UNC80: variants seen among roughly 807,000 people sequenced by gnomAD.
UNC80 encodes the protein protein unc-80 homolog.
In UNC80, 164 loss-of-function variants were observed where a neutral mutation model predicts 384.6. That is an observed-to-expected ratio of 0.43 (90% CI 0.38 to 0.49). UNC80 has a LOEUF of 0.49. Among genes scored for constraint, UNC80 ranks in the 20% least tolerant of loss-of-function variants. UNC80 has a pLI of 0.00. For missense variants in UNC80, 3,330 were observed against 4,143.0 expected (o/e 0.80, Z 5.39); for synonymous variants, 1,486 against 1,527.8 (o/e 0.97, Z 0.64).
In UNC80 at chr2:209,965,934, C is replaced by CA. The variant is rs112429893; in HGVS notation, c.7806-1486dup. ...GAGCTTTTCCAGTACAAACTTGTCT[C>CA]AAAAAAAAAAAAAAAAATCTTATTT... On this transcript the variant is annotated intron_variant, in intron 51 of 64. Transcript: ENST00000673920. 9.1e-3 allele frequency among the ~76,000 whole-genome samples: 1,139 copies of CA among 125,758 alleles called. 4 individuals are homozygous for CA. The highest frequency in any genetic ancestry group is 0.015 in the Admixed American group (180 of 12,152). The allele number at this position is 125,758 out of a possible 152,430, so 82.5% of individuals were successfully genotyped here.
chr2:209,964,145 A>T (rs1488220888), intron 51 of UNC80, among the ~76,000 whole-genome samples: 1 of 152,224 alleles, frequency 6.6e-6, no homozygotes, highest in African/African-American at 2.4e-5. Flanking sequence ...CTCTTGGAGT[A>T]ATCACAATTT....
chr2:209,957,101 A>G (rs893844233), intron 48 of UNC80, among the ~76,000 whole-genome samples: 2 of 152,216 alleles, frequency 1.3e-5, no homozygotes, highest in Non-Finnish European at 2.9e-5. Context: ...TCTATTACTA[A>G]CGATCTAAAT....
intron 7 of UNC80, among the ~76,000 whole-genome samples, chr2:209,807,897 A>T (rs2079008678): frequency 6.6e-6 from 1 of 152,244 alleles, no homozygotes; most frequent in African/African-American, 2.4e-5. Context: ...AAAGGGAGGT[A>T]CTTAAATATT....
chr2:209,992,679 C>T lies in UNC80; in HGVS notation c.9396+432C>T, dbSNP rs2093414770. 2.6e-5 allele frequency among the ~76,000 whole-genome samples: 4 copies of T among 152,108 alleles called. No homozygotes were observed. The South Asian group carries it at 6.2e-4, about 24-fold the overall frequency. On this transcript the variant is annotated intron_variant, in intron 62 of 64. Transcript: ENST00000673920. ...TTCCTTACCCAGAAACTTTCTTTAC[C>T]AGCCAAACTTATTGATAGAGGAAGA...
At position 209,976,335 on chromosome 2, in the gene UNC80, C is replaced by G; in HGVS notation, c.8772+32C>G. The G allele has an allele frequency of 5.8e-6, 9 of 1,551,464 alleles. No individual in the cohort carries two copies. The highest frequency in any genetic ancestry group is 7.8e-6 in the Non-Finnish European group (9 of 1,146,864). On this transcript the variant is annotated intron_variant, in intron 57 of 64. Transcript: ENST00000673920. The surrounding 1 kb of genome is among the most constrained non-coding windows in gnomAD (Gnocchi z 4.3). ...TGTGTGCTTCTCCTCCTGAAAGTGG[C>G]AAGCTCAAATGAATGTGTGGCTCTC...
chr2:209,994,325 T>C lies in UNC80; in HGVS notation c.9708+61T>C, dbSNP rs531646913. 2.1e-5 allele frequency: 30 copies of C among 1,416,150 alleles called. No homozygotes were observed. The African/African-American group carries it at 3.6e-4, about 17-fold the overall frequency. The allele number at this position is 1,416,150 out of a possible 1,614,324, so 87.7% of individuals were successfully genotyped here. Reference sequence around the variant, plus strand: ...CTGTGTACTTACTTCTAGCAGCCACTTGGATATGCACATTTATTCCATATA... The same window carrying C: ...CTGTGTACTTACTTCTAGCAGCCACCTGGATATGCACATTTATTCCATATA... On this transcript the variant is annotated intron_variant, in intron 64 of 64. Coordinates refer to ENST00000673920, the MANE Select transcript of UNC80 (RefSeq NM_001371986.1).
At chr2:209,792,386 T>C (rs965415594) in intron 6 of UNC80, among the ~76,000 whole-genome samples, 1 of 152,242 alleles carries the variant, frequency 6.6e-6, no homozygotes, top group African/African-American at 2.4e-5. Flanking sequence ...CTCACTCTGT[T>C]GCCCAGGCTG....
At chr2:209,854,847 G>T (rs2082784478) in intron 22 of UNC80, among the ~76,000 whole-genome samples, 1 of 152,158 alleles carries the variant, frequency 6.6e-6, no homozygotes, top group African/African-American at 2.4e-5. Context: ...CGTTGTTGGT[G>T]GGAATGCAAA....
intron 4 of UNC80, among the ~76,000 whole-genome samples, chr2:209,779,723 C>T (rs2077052996): frequency 6.6e-6 from 1 of 152,166 alleles, no homozygotes; most frequent in East Asian, 1.9e-4. Flanking sequence ...GTGCTAAAAA[C>T]AGCATTTTTA....
At chr2:209,989,762 G>A (rs1359138008) in intron 61 of UNC80, among the ~76,000 whole-genome samples, 2 of 152,176 alleles carry the variant, frequency 1.3e-5, no homozygotes, top group Non-Finnish European at 2.9e-5. Context: ...ATGATGTGGA[G>A]AGAAGCTAAA....
intron 61 of UNC80, among the ~76,000 whole-genome samples, chr2:209,988,966 T>G (rs2093342604): frequency 6.6e-6 from 1 of 152,136 alleles, no homozygotes; most frequent in African/African-American, 2.4e-5. Context: ...TCCACCTTAT[T>G]ACTTGGCCAA....
At chr2:209,903,526 ATATATAT>A (rs1422243028) in intron 28 of UNC80, among the ~76,000 whole-genome samples, 13 of 242 alleles carry the variant, frequency 0.054, no homozygotes, top group African/African-American at 0.1. Context: ...TATATATACT[ATATATAT>A]TATATATAGT....
chr2:209,924,437 C>A (rs906602861), intron 35 of UNC80, among the ~76,000 whole-genome samples: 20 of 152,276 alleles, frequency 1.3e-4, no homozygotes, highest in African/African-American at 4.8e-4. Flanking sequence ...AATAAGTCTT[C>A]CAGCCTTTAC....
chr2:209,841,553 T>C (rs979670660), intron 20 of UNC80, among the ~76,000 whole-genome samples: 3 of 152,130 alleles, frequency 2.0e-5, no homozygotes, highest in African/African-American at 7.2e-5. Flanking sequence ...GGTTTCACCA[T>C]GTTGGCCAGG....
chr2:209,797,046 A>T (rs2078208130), intron 7 of UNC80, among the ~76,000 whole-genome samples: 1 of 152,058 alleles, frequency 6.6e-6, no homozygotes, highest in Middle Eastern at 3.2e-3. Context: ...ATTTCTAGAC[A>T]TTTCATATAA....
intron 60 of UNC80, among the ~76,000 whole-genome samples, chr2:209,983,584 T>TG (rs56780966): frequency 1 from 152,117 of 152,318 alleles, 75,958 homozygotes; most frequent in Middle Eastern, 1. Context: ...TAGCTATCAG[T>TG]TATTTTTAAT....
At chr2:209,918,466 A>G in intron 32 of UNC80, 66 bp from the exon 33 acceptor site, 1 of 1,491,630 alleles carries the variant, frequency 6.7e-7, no homozygotes, top group East Asian at 2.5e-5. Context: ...TTGTGTCATC[A>G]TTATACTTCA....
At chr2:209,879,307 C>T (rs2085067000) in intron 24 of UNC80, among the ~76,000 whole-genome samples, 1 of 152,126 alleles carries the variant, frequency 6.6e-6, no homozygotes. Context: ...TCCAGGGGCC[C>T]TTCAGAACAG....
rs1027759698 is a variant in UNC80, at chr2:209,984,964, G to T, written c.9314+52G>T. The stretch of plus-strand genomic sequence containing the variant: ...TGGTGTCTGTGCTGGGAAACTAGCT[G>T]TTCCCTGTCTCCTCTGTCTCTCTGT... On this transcript the variant is annotated intron_variant, in intron 61 of 64. Transcript: ENST00000673920. 2.1e-6 allele frequency: 3 copies of T among 1,442,710 alleles called. No homozygotes were observed. The African/African-American group carries it at 4.3e-5, about 21-fold the overall frequency. 89.4% of individuals were successfully genotyped at this position (1,442,710 alleles called of 1,614,324 possible). A position where few individuals can be genotyped will look rare whatever the true frequency, so the allele number is the denominator to read the frequency against.
Sources: allele counts gnomAD v4.1 joint callset (sites outside exome capture counted in the v4.1 genomes callset), GRCh38; gene constraint gnomAD v4.1.1; non-coding constraint Gnocchi (gnomAD v3.1); transcripts MANE v1.5; gene names NCBI Gene and HGNC (gene_info 2026-07-23, HGNC 2026-07-21).